The following NPAS3 variants were observed in gnomAD, a reference collection of about 807,000 sequenced individuals.
The protein encoded by NPAS3 is neuronal PAS domain-containing protein 3.
In NPAS3, 14 loss-of-function variants were observed where a neutral mutation model predicts 73.1. That is an observed-to-expected ratio of 0.19 (90% CI 0.13 to 0.30). The LOEUF (loss-of-function observed/expected upper bound fraction) is 0.30, where lower values mean the gene tolerates loss of function less well. Ranked by LOEUF, NPAS3 falls within the 10% of genes least tolerant of loss-of-function variation. The pLI, the probability that NPAS3 is intolerant of heterozygous loss-of-function variation, is 1.00. For missense variants in NPAS3, 1,096 were observed against 1,250.0 expected, an observed-to-expected ratio of 0.88 and a Z score of 1.86; for synonymous variants, 620 against 541.5, an observed-to-expected ratio of 1.14 and a Z score of -2.01.
intron 6 of NPAS3, among the ~76,000 whole-genome samples, chr14:33,690,864 A>C (rs4483769): frequency 0.78 from 111,857 of 143,356 alleles, 42,814 homozygotes; most frequent in African/African-American, 0.87. Flanking sequence ...TTTAGTTTAA[A>C]ATTTGTTAAA....
At chr14:33,357,658 G>A (rs780569486) in intron 3 of NPAS3, among the ~76,000 whole-genome samples, 3 of 152,166 alleles carry the variant, frequency 2.0e-5, no homozygotes, top group Admixed American at 6.5e-5. Context: ...TAGAGTGTTC[G>A]CTCATTCACA....
intron 8 of NPAS3, among the ~76,000 whole-genome samples, chr14:33,777,150 A>T (rs2062845560): frequency 6.6e-6 from 1 of 152,218 alleles, no homozygotes; most frequent in Non-Finnish European, 1.5e-5. Context: ...CAAATTTCAG[A>T]AACACCAGTG....
At chr14:33,183,292 G>T (rs2045861369) in intron 2 of NPAS3, among the ~76,000 whole-genome samples, 1 of 152,096 alleles carries the variant, frequency 6.6e-6, no homozygotes, top group Non-Finnish European at 1.5e-5. Flanking sequence ...TGGGCATGGT[G>T]GTGGGCGCCT....
At chr14:33,564,602 C>T (rs1313593396) in intron 5 of NPAS3, among the ~76,000 whole-genome samples, 1 of 152,212 alleles carries the variant, frequency 6.6e-6, no homozygotes, top group Non-Finnish European at 1.5e-5. Context: ...ACTGGCTTTC[C>T]TTCACCCATA....
chr14:33,032,826 G>C (rs1391300798), intron 1 of NPAS3, among the ~76,000 whole-genome samples: 1 of 152,162 alleles, frequency 6.6e-6, no homozygotes, highest in African/African-American at 2.4e-5. Flanking sequence ...TTGAGCTCAT[G>C]GACTGCTTCT....
At chr14:33,335,038 G>GTGCA (rs960412875) in intron 3 of NPAS3, among the ~76,000 whole-genome samples, 13 of 114,852 alleles carry the variant, frequency 1.1e-4, no homozygotes, top group African/African-American at 4.5e-4. Flanking sequence ...CATTGTGTGT[G>GTGCA]TGTGCGTGTG....
intron 4 of NPAS3, among the ~76,000 whole-genome samples, chr14:33,496,438 T>C (rs775363371): frequency 6.6e-6 from 1 of 152,036 alleles, no homozygotes; most frequent in Non-Finnish European, 1.5e-5. Flanking sequence ...TGAACATCAA[T>C]GCAAAAATCT....
At chr14:33,656,235 A>G (rs1033844909) in intron 5 of NPAS3, among the ~76,000 whole-genome samples, 1 of 152,198 alleles carries the variant, frequency 6.6e-6, no homozygotes. Flanking sequence ...ACTGTGTGGC[A>G]TGTATTGGTT....
chr14:33,128,684 G>T (rs184611198), intron 2 of NPAS3, among the ~76,000 whole-genome samples: 65 of 152,198 alleles, frequency 4.3e-4, no homozygotes, highest in South Asian at 3.5e-3. Flanking sequence ...AAATGGTGCC[G>T]AGCCAGTATT....
upstream of NPAS3, among the ~76,000 whole-genome samples, chr14:32,936,658 C>T (rs1474577812): frequency 6.6e-6 from 1 of 152,060 alleles, no homozygotes; most frequent in Non-Finnish European, 1.5e-5. Context: ...CAGGGACCTC[C>T]GGGAACTTGA....
chr14:32,951,371 T>C (rs1032788229), intron 1 of NPAS3, among the ~76,000 whole-genome samples: 15 of 152,166 alleles, frequency 9.9e-5, no homozygotes, highest in African/African-American at 3.6e-4. Context: ...AAATTTTTTA[T>C]GTCAAATATG....
intron 4 of NPAS3, among the ~76,000 whole-genome samples, chr14:33,457,254 C>CTG (rs1446584550): frequency 6.6e-6 from 1 of 152,216 alleles, no homozygotes; most frequent in African/African-American, 2.4e-5. Context: ...AAGAGAAATG[C>CTG]TGGAGCTCAG....
chr14:33,264,276 G>C lies in NPAS3; in HGVS notation c.385+48850G>C, dbSNP rs1354361156. On this transcript the variant is annotated intron_variant, in intron 3 of 11. Coordinates refer to ENST00000356141, the Ensembl canonical transcript of NPAS3. ...ATCACACACTGGGGCCTGTTGTGGGGTAGGGGGAGGGGGGAAGGATAGCAT... is the reference window on the plus strand; with the variant it reads ...ATCACACACTGGGGCCTGTTGTGGGCTAGGGGGAGGGGGGAAGGATAGCAT... 2.6e-5 allele frequency among the ~76,000 whole-genome samples: 4 copies of C among 151,790 alleles called. No homozygotes were observed. In the South Asian group the frequency reaches 6.3e-4, roughly 24 times the overall value.
intron 5 of NPAS3, among the ~76,000 whole-genome samples, chr14:33,629,357 G>A (rs1333056479): frequency 2.6e-5 from 4 of 152,132 alleles, no homozygotes; most frequent in African/African-American, 4.8e-5. Flanking sequence ...AGAAATAAGT[G>A]AGGATCATTA....
intron 1 of NPAS3, among the ~76,000 whole-genome samples, chr14:32,990,842 A>G (rs2038302116): frequency 6.6e-6 from 1 of 151,438 alleles, no homozygotes; most frequent in East Asian, 2.0e-4. Flanking sequence ...TGGGAGGATC[A>G]CTTGATCCCA....
chr14:33,080,398 G>A (rs375388071), intron 2 of NPAS3, among the ~76,000 whole-genome samples: 13 of 152,270 alleles, frequency 8.5e-5, no homozygotes, highest in African/African-American at 2.4e-4. Flanking sequence ...GAGCCACCGC[G>A]CCCGGCCCCA....
chr14:33,655,870 C>T (rs945852444), intron 5 of NPAS3, among the ~76,000 whole-genome samples: 6 of 152,062 alleles, frequency 3.9e-5, no homozygotes, highest in African/African-American at 4.8e-5. Flanking sequence ...AAAGTCATAC[C>T]GTTTGCATCA....
chr14:33,214,712 T>C (rs2047157209), intron 2 of NPAS3: 2 of 154,894 alleles, frequency 1.3e-5, no homozygotes, highest in Non-Finnish European at 2.9e-5. Flanking sequence ...TACCTTCTGC[T>C]CCCCAAGATT....
At chr14:33,433,928 C>T (rs1037032291) in intron 4 of NPAS3, among the ~76,000 whole-genome samples, 4 of 152,192 alleles carry the variant, frequency 2.6e-5, no homozygotes, top group South Asian at 2.1e-4. Flanking sequence ...TGGTGGCTCA[C>T]GCCTGTAATC....
Sources: gnomAD v4.1 joint callset for allele counts (sites outside exome capture counted in the v4.1 genomes callset) on GRCh38, gnomAD v4.1.1 for gene constraint, MANE v1.5 for transcripts, NCBI Gene and HGNC (gene_info 2026-07-23, HGNC 2026-07-21) for gene names.